The following VIL1 variants were observed in gnomAD, a reference collection of about 807,000 sequenced individuals.
VIL1 encodes the protein villin-1.
Under a neutral mutation model 104.0 loss-of-function variants are expected in VIL1, and 86 were observed. The observed-to-expected ratio is 0.83, with a 90% CI of 0.69 to 0.99. The LOEUF is 0.99. Among genes scored for constraint, VIL1 ranks in the 50% least tolerant of loss-of-function variants. VIL1 has a pLI of 0.00. For synonymous variants in VIL1, 394 were observed against 412.6 expected (o/e 0.95, Z 0.55); for missense variants, 944 against 1,054.1 (o/e 0.90, Z 1.45).
At chr2:218,447,325 T>G (rs538612418) in intron 19 of VIL1, among the ~76,000 whole-genome samples, 1 of 152,200 alleles carries the variant, frequency 6.6e-6, no homozygotes, top group African/African-American at 2.4e-5. Flanking sequence ...AATAAAATCT[T>G]TTTTTTGAGA....
At chr2:218,420,296 G>C (rs888164360) in intron 1 of VIL1, among the ~76,000 whole-genome samples, 1 of 151,800 alleles carries the variant, frequency 6.6e-6, no homozygotes, top group African/African-American at 2.4e-5. Context: ...GGGTGTGCTC[G>C]CGCACGCCTA....
chr2:218,436,195 A>G (rs1314137745), intron 15 of VIL1, among the ~76,000 whole-genome samples: 1 of 152,146 alleles, frequency 6.6e-6, no homozygotes, highest in Non-Finnish European at 1.5e-5. Context: ...CAAAAGCAAA[A>G]GGGCATGTAC....
intron 16 of VIL1, 88 bp downstream of exon 16, chr2:218,436,714 A>T: frequency 1.3e-6 from 2 of 1,484,940 alleles, no homozygotes; most frequent in Non-Finnish European, 1.8e-6. Context: ...GGTAAGTGTC[A>T]ATGTTTTCTT....
At chr2:218,439,853 G>GA (rs1296344092) in intron 18 of VIL1, among the ~76,000 whole-genome samples, 1 of 136,236 alleles carries the variant, frequency 7.3e-6, no homozygotes, top group African/African-American at 2.7e-5. Flanking sequence ...AAAAAGAAAA[G>GA]AAAAAAAATG....
At position 218,440,847 on chromosome 2, in the gene VIL1, C is replaced by A. The variant is rs761576918; in HGVS notation, c.2355C>A (p.Asp785Glu). Residue 785 changes from aspartate to glutamate, a missense_variant, in exon 19 of 20, where the codon GAC becomes GAA. By Grantham distance (45) the Asp-to-Glu change is conservative. Transcript: ENST00000248444. ...TAGAGGAGCTCCCCGAGGGTGTGGACCCCAGCAGGAAGGAGGTAGGTCAGA... is the reference window on the plus strand; with the variant it reads ...TAGAGGAGCTCCCCGAGGGTGTGGAACCCAGCAGGAAGGAGGTAGGTCAGA... ...KPVEELPEGV[D>E]PSRKEEHLSI... 6.2e-7 allele frequency: 1 copy of A among 1,614,054 alleles called. No individual in the cohort carries two copies. Among genetic ancestry groups the A allele is most frequent in the East Asian group, 2.2e-5 (1 of 44,876 alleles).
At chr2:218,435,127 T>C (rs1689166676) in intron 14 of VIL1, among the ~76,000 whole-genome samples, 162 bp from the exon 15 acceptor site, 1 of 152,118 alleles carries the variant, frequency 6.6e-6, no homozygotes, top group Non-Finnish European at 1.5e-5. Context: ...CTTTGGAGTG[T>C]CAAGGACAGA....
intron 19 of VIL1, among the ~76,000 whole-genome samples, chr2:218,448,084 A>C (rs572439280): frequency 6.6e-6 from 1 of 152,030 alleles, no homozygotes; most frequent in East Asian, 1.9e-4. Context: ...ACATGGTGAA[A>C]CTTGATCTCT....
chr2:218,440,405 G>A (rs1300373993), intron 18 of VIL1, among the ~76,000 whole-genome samples: 3 of 152,208 alleles, frequency 2.0e-5, no homozygotes, highest in East Asian at 1.9e-4. Context: ...GAGTAGATGG[G>A]ATTACAGGCG....
chr2:218,440,960 TG>T (rs1236837180), intron 19 of VIL1, 98 bp downstream of exon 19: 81 of 1,450,098 alleles, frequency 5.6e-5, no homozygotes, highest in Non-Finnish European at 5.8e-5. Flanking sequence ...GTGCTGGGGA[TG>T]AACAAGACAG....
At position 218,450,569 on chromosome 2, in the gene VIL1, G is replaced by A. The variant is rs750567639; in HGVS notation, c.*1233G>A. The A allele has an allele frequency of 7.2e-5, 11 of 152,648 alleles. No individual in the cohort carries two copies. Among genetic ancestry groups the A allele is most frequent in the Non-Finnish European group, 1.5e-4 (10 of 68,046 alleles). 9.5% of individuals were successfully genotyped at this position (152,648 alleles called of 1,614,324 possible). A position where few individuals can be genotyped will look rare whatever the true frequency, so the allele number is the denominator to read the frequency against. On this transcript the variant is annotated 3_prime_UTR_variant, in exon 20 of 20. Transcript: ENST00000248444. ...AAGAAACAACAATGACAATAGGCCA[G>A]AGAAGTTAGGGAGGGAAAGAAAAGC...
chr2:218,436,469 C>T lies in VIL1; in HGVS notation c.1827-13C>T, dbSNP rs1392491389. 9 of 1,611,356 alleles carry T rather than the reference C, an allele frequency of 5.6e-6. No homozygotes were observed. Among genetic ancestry groups the T allele is most frequent in the Non-Finnish European group, 7.6e-6 (9 of 1,178,740 alleles). Reference sequence around the variant, plus strand: ...CTTCCTTCTGCCAGTACAATCTTCTCTCCATCCTGCAGACTACAGGAAGAA... The same window carrying T: ...CTTCCTTCTGCCAGTACAATCTTCTTTCCATCCTGCAGACTACAGGAAGAA... On this transcript the variant is annotated splice_polypyrimidine_tract_variant and intron_variant, in intron 15 of 19. Transcript: ENST00000248444.
chr2:218,444,596 T>C (rs938490346), intron 19 of VIL1, among the ~76,000 whole-genome samples: 1 of 152,174 alleles, frequency 6.6e-6, no homozygotes, highest in African/African-American at 2.4e-5. Context: ...GCTGATTTTT[T>C]AATCATGGAA....
rs939523964 is a variant in VIL1, at chr2:218,446,736, T to C, written c.2371-2487T>C. Among the ~76,000 whole-genome samples, 16 of 150,008 alleles carry C rather than the reference T, an allele frequency of 1.1e-4. 1 individual carries two copies. The South Asian group carries it at 1.3e-3, about 12-fold the overall frequency. ...AAAGTCAGTATGGTGCAGTGGAACA[T>C]ATGTTGTAATCAAGTGACCTTGACT... On this transcript the variant is annotated intron_variant, in intron 19 of 19. Coordinates refer to ENST00000248444, the MANE Select transcript of VIL1 (RefSeq NM_007127.3).
chr2:218,430,547 G>C (rs1689076657), intron 9 of VIL1, among the ~76,000 whole-genome samples, 178 bp from the exon 10 acceptor site: 1 of 152,122 alleles, frequency 6.6e-6, no homozygotes, highest in South Asian at 2.1e-4. Flanking sequence ...TTGACCTTGA[G>C]GCTGGGGTCA....
Position 218,427,977 on chromosome 2 carries a change from G to A in VIL1, c.360G>A (p.Gly120=), listed in dbSNP as rs765315248. ...YFKQGLVIRK[G]GVASGMKHVE... is the part of the protein sequence containing the mutation. Reference sequence around the variant, plus strand: ...CCTCTCTTCTCAGGATCCGGAAAGGGGGCGTGGCTTCTGGCATGAAGCACG... The same window carrying A: ...CCTCTCTTCTCAGGATCCGGAAAGGAGGCGTGGCTTCTGGCATGAAGCACG... The change falls in exon 5 of 20, where the codon GGG becomes GGA. Residue 120 remains glycine, a synonymous_variant. Coordinates refer to ENST00000248444, the MANE Select transcript of VIL1 (RefSeq NM_007127.3). 36 of 1,613,934 alleles carry A rather than the reference G, an allele frequency of 2.2e-5. No homozygotes were observed. The South Asian group carries it at 4.0e-4, about 18-fold the overall frequency.
intron 1 of VIL1, 64 bp from the exon 2 acceptor site, chr2:218,423,704 G>A: frequency 6.5e-7 from 1 of 1,544,260 alleles, no homozygotes; most frequent in Non-Finnish European, 8.9e-7. Flanking sequence ...AGTTCTCTAG[G>A]GGCAGGCTGG....
At chr2:218,432,428 C>A in intron 12 of VIL1, 1 of 735,172 alleles carries the variant, frequency 1.4e-6, no homozygotes, top group Non-Finnish European at 2.4e-6. Flanking sequence ...ACCTGCTCTG[C>A]CCATGGGTTT....
chr2:218,428,520 CAGAT>C (rs1402326134), intron 6 of VIL1, among the ~76,000 whole-genome samples, 183 bp downstream of exon 6: 2 of 152,184 alleles, frequency 1.3e-5, no homozygotes, highest in East Asian at 1.9e-4. Flanking sequence ...TCAATCCACT[CAGAT>C]AGAATGAGTC....
At chr2:218,427,844 A>G (rs999194969) in intron 4 of VIL1, 121 bp from the exon 5 acceptor site, 2 of 850,898 alleles carry the variant, frequency 2.4e-6, no homozygotes, top group Non-Finnish European at 3.8e-6. Flanking sequence ...CACCTCATTG[A>G]CCTCGCCTAC....
Sources: gnomAD v4.1 joint callset for allele counts (sites outside exome capture counted in the v4.1 genomes callset) on GRCh38, gnomAD v4.1.1 for gene constraint, MANE v1.5 for transcripts, NCBI Gene and HGNC (gene_info 2026-07-23, HGNC 2026-07-21) for gene names.